Variants in RABGAP1L observed in about 807,000 individuals in gnomAD.
The protein encoded by RABGAP1L is rab GTPase-activating protein 1-like.
RABGAP1L carries 63 observed loss-of-function variants against 137.7 expected under a neutral mutation model. That is an observed-to-expected ratio of 0.46 (90% CI 0.37 to 0.56). The LOEUF (loss-of-function observed/expected upper bound fraction) is 0.56, where lower values mean the gene tolerates loss of function less well. Ranked by LOEUF, RABGAP1L falls within the 20% of genes least tolerant of loss-of-function variation. The probability of loss-of-function intolerance (pLI) is 0.00; values close to 1 mark genes in which losing one functional copy is unlikely to be tolerated. For missense variants in RABGAP1L, 1,095 were observed against 1,244.0 expected, an observed-to-expected ratio of 0.88 and a Z score of 1.80; for synonymous variants, 431 against 433.7, an observed-to-expected ratio of 0.99 and a Z score of 0.08.
chr1:174,894,967 C>T (rs935576367), intron 19 of RABGAP1L, among the ~76,000 whole-genome samples: 3 of 151,938 alleles, frequency 2.0e-5, no homozygotes, highest in Non-Finnish European at 2.9e-5. Context: ...ATGTTGGCCA[C>T]GCTGGTCTCA....
intron 13 of RABGAP1L, among the ~76,000 whole-genome samples, chr1:174,458,097 G>C (rs1656245763): frequency 2.0e-5 from 3 of 152,208 alleles, no homozygotes; most frequent in South Asian, 4.2e-4. Flanking sequence ...TAGACTACAA[G>C]GGGCTATATG....
chr1:174,928,255 T>A (rs1354608957), intron 19 of RABGAP1L, among the ~76,000 whole-genome samples: 1 of 152,166 alleles, frequency 6.6e-6, no homozygotes, highest in African/African-American at 2.4e-5. Flanking sequence ...CCATAATATA[T>A]GTCCTAACTT....
intron 23 of RABGAP1L, among the ~76,000 whole-genome samples, chr1:174,981,546 CCAT>C (rs1558304342): frequency 9.7e-6 from 1 of 103,432 alleles, no homozygotes. Context: ...CCCTGTTTTT[CCAT>C]CTTTTTTTTT....
At chr1:174,513,352 A>C (rs914486247) in intron 13 of RABGAP1L, among the ~76,000 whole-genome samples, 1 of 152,144 alleles carries the variant, frequency 6.6e-6, no homozygotes, top group African/African-American at 2.4e-5. Flanking sequence ...TAATTTTAGC[A>C]CTTTGGGAGA....
chr1:174,205,513 G>A (rs928989646), intron 1 of RABGAP1L, among the ~76,000 whole-genome samples: 11 of 151,956 alleles, frequency 7.2e-5, no homozygotes, highest in African/African-American at 2.7e-4. Context: ...GTTCAGTCTT[G>A]GGAGGACATA....
intron 18 of RABGAP1L, among the ~76,000 whole-genome samples, chr1:174,806,414 AC>A (rs1158571575): frequency 6.6e-6 from 1 of 152,204 alleles, no homozygotes; most frequent in Non-Finnish European, 1.5e-5. Flanking sequence ...AATCTGGGCA[AC>A]ATAGCAAAAC....
chr1:174,463,419 A>T, intron 13 of RABGAP1L, among the ~76,000 whole-genome samples: 1 of 150,402 alleles, frequency 6.6e-6, no homozygotes, highest in Non-Finnish European at 1.5e-5. Context: ...AAAACAAAAA[A>T]CCAAACACCG....
At chr1:174,937,155 T>G (rs1370739523) in intron 19 of RABGAP1L, among the ~76,000 whole-genome samples, 3 of 151,896 alleles carry the variant, frequency 2.0e-5, no homozygotes, top group African/African-American at 7.3e-5. Flanking sequence ...ATTTTTGTAT[T>G]TTTAGTAGAG....
chr1:174,946,916 AAATATAT>A (rs1170981569), intron 19 of RABGAP1L, among the ~76,000 whole-genome samples: 40 of 49,958 alleles, frequency 8.0e-4, no homozygotes, highest in Non-Finnish European at 1.1e-3. Flanking sequence ...AAAAAAAAAA[AAATATAT>A]ATATATATAT....
At position 174,982,686 on chromosome 1, in the gene RABGAP1L, A is replaced by C. The variant is rs572854113; in HGVS notation, c.2734-148A>C. 1.4e-3 allele frequency: 1,039 copies of C among 719,510 alleles called. 1 individual carries two copies. The highest frequency in any genetic ancestry group is 2.2e-3 in the Admixed American group (84 of 38,034). 44.6% of individuals were successfully genotyped at this position (719,510 alleles called of 1,614,324 possible). A position where few individuals can be genotyped will look rare whatever the true frequency, so the allele number is the denominator to read the frequency against. ...CCAGCTTTCTGCTGCTCATTTCCGA[A>C]ATGACTGGCATTTGCAGTGCTATTC... On this transcript the variant is annotated intron_variant, in intron 23 of 25. Coordinates refer to ENST00000681986, the MANE Select transcript of RABGAP1L (RefSeq NM_001366446.1).
rs559718707 is a variant in RABGAP1L, at chr1:174,702,123, C to T, written c.2036C>T (p.Pro679Leu). 1.5e-5 allele frequency: 24 copies of T among 1,609,724 alleles called. No homozygotes were observed. Among genetic ancestry groups the T allele is most frequent in the Admixed American group, 5.1e-5 (3 of 59,096 alleles). ...CACTTTGACTTTTAGGAACAGCTAC[C>T]GGACCTGCATAGCCATTTTTCTGAT... ...QLERLMQEQL[P>L]DLHSHFSDLN... is the part of the protein sequence containing the mutation. The change falls in exon 17 of 26, where the codon CCG becomes CTG. Residue 679 changes from proline to leucine, a missense_variant. By Grantham distance (98) the Pro-to-Leu change is moderately conservative. This residue lies in a region of RABGAP1L where 312 missense variants were observed against 435.6 expected (regional missense o/e 0.72). Coordinates refer to ENST00000681986, the MANE Select transcript of RABGAP1L (RefSeq NM_001366446.1).
At position 174,350,941 on chromosome 1, in the gene RABGAP1L, G is replaced by A. The variant is rs1430137290; in HGVS notation, c.1466-20038G>A. On this transcript the variant is annotated intron_variant, in intron 11 of 25. Transcript: ENST00000681986. Reference sequence around the variant, plus strand: ...CCGTCTCCACCAAAACCAGTCAGGCGTGGCGGCGCGTGCCTGCAATCGCAG... The same window carrying A: ...CCGTCTCCACCAAAACCAGTCAGGCATGGCGGCGCGTGCCTGCAATCGCAG... Among the ~76,000 whole-genome samples the A allele has an allele frequency of 5.4e-4, 65 of 120,104 alleles. 2 individuals carry two copies. In the East Asian group the frequency reaches 0.014, roughly 26 times the overall value. The allele number at this position is 120,104 out of a possible 152,430, so 78.8% of individuals were successfully genotyped here.
chr1:174,578,491 T>A (rs979958285), intron 13 of RABGAP1L, among the ~76,000 whole-genome samples: 8 of 152,114 alleles, frequency 5.3e-5, no homozygotes, highest in African/African-American at 1.7e-4. Context: ...GTTTTTTTTT[T>A]AATTGGAAAA....
intron 19 of RABGAP1L, among the ~76,000 whole-genome samples, chr1:174,815,941 G>A (rs1233245603): frequency 6.6e-6 from 1 of 152,036 alleles, no homozygotes; most frequent in African/African-American, 2.4e-5. Flanking sequence ...TGTTTAAAGT[G>A]CCTAATATGA....
Position 174,972,853 on chromosome 1 carries a change from C to CAAAAA in RABGAP1L, c.2545-3204_2545-3200dup, listed in dbSNP as rs373159573. Among the ~76,000 whole-genome samples, 31 of 52,796 alleles carry CAAAAA rather than the reference C, an allele frequency of 5.9e-4. 5 individuals carry two copies. The highest frequency in any genetic ancestry group is 2.2e-3 in the African/African-American group (30 of 13,384). 34.6% of individuals were successfully genotyped at this position (52,796 alleles called of 152,430 possible). On this transcript the variant is annotated intron_variant, in intron 21 of 25. Coordinates refer to ENST00000681986, the MANE Select transcript of RABGAP1L (RefSeq NM_001366446.1). ...TGGGTGACAGAGCGAGACTCTGTCTCAAAAAAAAAAAAAAAAAAAAAAAAA... is the reference window on the plus strand; with the variant it reads ...TGGGTGACAGAGCGAGACTCTGTCTCAAAAAAAAAAAAAAAAAAAAAAAAAAAAAA...
At position 174,448,760 on chromosome 1, in the gene RABGAP1L, T is replaced by G; in HGVS notation, c.1710+54615T>G. 6.2e-7 allele frequency: 1 copy of G among 1,613,936 alleles called. No individual in the cohort carries two copies. The highest frequency in any genetic ancestry group is 8.5e-7 in the Non-Finnish European group (1 of 1,179,804). ...TTGTTTACTTTATGCTCCTGCTGCC[T>G]TTGTTGTCTGCTTCACTTACTTCCA... On this transcript the variant is annotated intron_variant, in intron 13 of 25. Transcript: ENST00000681986. The surrounding 1 kb of genome is among the most constrained non-coding windows in gnomAD (Gnocchi z 4.2).
At chr1:174,648,682 T>A (rs1254027235) in intron 14 of RABGAP1L, among the ~76,000 whole-genome samples, 2 of 152,146 alleles carry the variant, frequency 1.3e-5, no homozygotes, top group African/African-American at 2.4e-5. Context: ...TTCTGTTGAT[T>A]TGGGGTGGAG....
At chr1:174,188,414 G>C (rs764141622) in intron 1 of RABGAP1L, among the ~76,000 whole-genome samples, 2 of 152,100 alleles carry the variant, frequency 1.3e-5, no homozygotes, top group South Asian at 4.1e-4. Flanking sequence ...AATGAATAAA[G>C]CATGGTGGTT....
At chr1:174,687,832 T>G (rs1006898871) in intron 15 of RABGAP1L, among the ~76,000 whole-genome samples, 1 of 152,206 alleles carries the variant, frequency 6.6e-6, no homozygotes, top group Non-Finnish European at 1.5e-5. Flanking sequence ...ATTCATTGCC[T>G]GAGAAGAAAG....
Sources: gnomAD v4.1 joint callset for allele counts (sites outside exome capture counted in the v4.1 genomes callset) on GRCh38, gnomAD v4.1.1 for gene constraint, gnomAD v4.1.1 regional missense constraint, Gnocchi (gnomAD v3.1) non-coding constraint, MANE v1.5 for transcripts, NCBI Gene and HGNC (gene_info 2026-07-23, HGNC 2026-07-21) for gene names.